LAMA2: variants seen among roughly 807,000 people sequenced by gnomAD.
The protein encoded by LAMA2 is laminin subunit alpha-2.
LAMA2 carries 269 observed loss-of-function variants against 364.8 expected under a neutral mutation model. The observed-to-expected ratio is 0.74, with a 90% confidence interval of 0.67 to 0.82. The LOEUF (loss-of-function observed/expected upper bound fraction) is 0.82. LAMA2 is among the 40% of genes least tolerant of loss of function. LAMA2 has a pLI of 0.00. For missense variants in LAMA2, 3,807 were observed against 3,873.2 expected (o/e 0.98, Z 0.45); for synonymous variants, 1,379 against 1,370.6 (o/e 1.01, Z -0.14).
chr6:128,936,487 C>T (rs1412791486), intron 1 of LAMA2, among the ~76,000 whole-genome samples: 1 of 152,140 alleles, frequency 6.6e-6, no homozygotes, highest in East Asian at 1.9e-4. Flanking sequence ...CCCCTTTATG[C>T]ATGGGGGATA....
chr6:129,193,368 G>T (rs978304008), intron 12 of LAMA2, among the ~76,000 whole-genome samples: 2 of 152,188 alleles, frequency 1.3e-5, no homozygotes, highest in Non-Finnish European at 2.9e-5. Context: ...CAACATATTT[G>T]CTGGAGCTCA....
intron 22 of LAMA2, among the ~76,000 whole-genome samples, chr6:129,301,757 TAC>T (rs930587155): frequency 1.3e-5 from 2 of 152,150 alleles, no homozygotes; most frequent in Non-Finnish European, 2.9e-5. Context: ...AACCAATGAT[TAC>T]AGTGGTGTAA....
intron 1 of LAMA2, among the ~76,000 whole-genome samples, chr6:129,028,469 A>G (rs768821156): frequency 4.6e-5 from 7 of 151,892 alleles, no homozygotes; most frequent in Non-Finnish European, 7.4e-5. Context: ...TCCATTTATC[A>G]GTTTCATAAC....
chr6:129,284,373 T>C lies in LAMA2; in HGVS notation c.2538-3474T>C, dbSNP rs146851988. ...TTGATTGGGCCTAATCTGAGTTGGT[T>C]GCCCTTTTGTGTGCTGCCATAATAG... On this transcript the variant is annotated intron_variant, in intron 18 of 64. Transcript: ENST00000421865. 4.6e-3 allele frequency among the ~76,000 whole-genome samples: 698 copies of C among 152,282 alleles called. 9 individuals are homozygous for C. The highest frequency in any genetic ancestry group is 0.016 in the African/African-American group (649 of 41,576).
intron 8 of LAMA2, among the ~76,000 whole-genome samples, chr6:129,165,357 A>G (rs778437126): frequency 1.5e-4 from 23 of 152,134 alleles, no homozygotes; most frequent in Non-Finnish European, 2.9e-4. Context: ...TAACAAATAT[A>G]TAGGAATTTA....
intron 12 of LAMA2, among the ~76,000 whole-genome samples, chr6:129,240,068 T>G (rs1354568232): frequency 1.3e-5 from 2 of 152,110 alleles, no homozygotes; most frequent in Non-Finnish European, 2.9e-5. Context: ...AAATTACTGG[T>G]GTAAGTGCAA....
At chr6:128,925,745 C>CT (rs1779047630) in intron 1 of LAMA2, among the ~76,000 whole-genome samples, 1 of 152,162 alleles carries the variant, frequency 6.6e-6, no homozygotes, top group East Asian at 1.9e-4. Flanking sequence ...AAACCAATGT[C>CT]TTTATTCTTT....
chr6:128,983,369 G>A lies in LAMA2; in HGVS notation c.113-66549G>A, dbSNP rs111947347. ...TGCATTTCTCTGATGGCCAGTGATG[G>A]TGAGCATTTTTTCATGTGTTTTTTG... On this transcript the variant is annotated intron_variant, in intron 1 of 64. Transcript: ENST00000421865. Among the ~76,000 whole-genome samples the A allele has an allele frequency of 9.1e-4, 138 of 152,158 alleles. No individual in the cohort carries two copies. The East Asian group carries it at 0.016, about 17-fold the overall frequency.
Position 129,475,442 on chromosome 6 carries a change from G to A in LAMA2, c.7451+41G>A, listed in dbSNP as rs914701037. On this transcript the variant is annotated intron_variant, in intron 53 of 64. Coordinates refer to ENST00000421865, the MANE Select transcript of LAMA2 (RefSeq NM_000426.4). ...ATGCATGCCTTCTTCGAGTGCATGGGTTGGGTAAATGTGGCTTCTTAGATA... is the reference window on the plus strand; with the variant it reads ...ATGCATGCCTTCTTCGAGTGCATGGATTGGGTAAATGTGGCTTCTTAGATA... 7.8e-6 allele frequency: 12 copies of A among 1,529,766 alleles called. No individual in the cohort carries two copies. In the African/African-American group the frequency reaches 1.7e-4, roughly 21 times the overall value. 94.8% of individuals were successfully genotyped at this position (1,529,766 alleles called of 1,614,324 possible).
At position 129,427,787 on chromosome 6, in the gene LAMA2, C is replaced by T; in HGVS notation, c.5901C>T (p.Ala1967=). ...TGPRGLLKED[A]KGCLQKSFRI... is the part of the protein sequence containing the mutation. ...CTCGGGGTTTATTAAAGGAAGATGC[C>T]AAAGGCTGTCTTCAGAAAAGCTTCA... The change falls in exon 41 of 65, where the codon GCC becomes GCT. Residue 1967 remains alanine, a synonymous_variant. Transcript: ENST00000421865. The T allele has an allele frequency of 1.2e-6, 2 of 1,613,744 alleles. No individual in the cohort carries two copies. Among genetic ancestry groups the T allele is most frequent in the Non-Finnish European group, 1.7e-6 (2 of 1,179,840 alleles).
chr6:129,400,695 T>C (rs1779919925), intron 37 of LAMA2, among the ~76,000 whole-genome samples: 1 of 152,238 alleles, frequency 6.6e-6, no homozygotes, highest in African/African-American at 2.4e-5. Context: ...AATTATAATC[T>C]ATTCTCTCAT....
chr6:129,238,790 T>G (rs1474483166), intron 12 of LAMA2, among the ~76,000 whole-genome samples: 2 of 152,172 alleles, frequency 1.3e-5, no homozygotes, highest in African/African-American at 2.4e-5. Context: ...TTCCGGAGAT[T>G]AAATGAGGAT....
intron 20 of LAMA2, chr6:129,292,969 AGCC>A (rs1262558288): frequency 5.1e-6 from 5 of 985,806 alleles, no homozygotes; most frequent in African/African-American, 1.7e-5. Context: ...CAGGAGGAGC[AGCC>A]GCGGAGAGCG....
chr6:129,177,218 A>G (rs899393213), intron 9 of LAMA2, among the ~76,000 whole-genome samples: 2 of 152,178 alleles, frequency 1.3e-5, no homozygotes, highest in African/African-American at 4.8e-5. Flanking sequence ...TTCTTTAGTA[A>G]TACTGCCAGT....
At chr6:129,230,111 C>G (rs1784589108) in intron 12 of LAMA2, among the ~76,000 whole-genome samples, 1 of 152,006 alleles carries the variant, frequency 6.6e-6, no homozygotes, top group Admixed American at 6.6e-5. Context: ...GGATTGGGCC[C>G]TATAGCACCC....
chr6:129,360,341 C>T (rs1338155474), intron 32 of LAMA2, among the ~76,000 whole-genome samples: 1 of 152,062 alleles, frequency 6.6e-6, no homozygotes, highest in Non-Finnish European at 1.5e-5. Flanking sequence ...ATGTTTGTTG[C>T]CAGACACTTT....
chr6:129,420,528 A>C (rs1209614328), intron 40 of LAMA2, among the ~76,000 whole-genome samples: 1 of 152,164 alleles, frequency 6.6e-6, no homozygotes, highest in African/African-American at 2.4e-5. Flanking sequence ...AAAATAAATT[A>C]TTTCATAAAG....
chr6:129,060,816 A>G (rs1788858804), intron 3 of LAMA2, among the ~76,000 whole-genome samples: 1 of 152,162 alleles, frequency 6.6e-6, no homozygotes, highest in South Asian at 2.1e-4. Flanking sequence ...GGCTGCATAT[A>G]TTCAAGAGCC....
Position 129,265,158 on chromosome 6 carries a change from G to C in LAMA2, c.2209-1948G>C, listed in dbSNP as rs543496570. Among the ~76,000 whole-genome samples the C allele has an allele frequency of 2.0e-5, 3 of 152,254 alleles. No individual in the cohort carries two copies. In the South Asian group the frequency reaches 6.2e-4, roughly 32 times the overall value. On this transcript the variant is annotated intron_variant, in intron 15 of 64. Transcript: ENST00000421865. ...TGACAAGTGGAGTAATATTTCTTTAGGAGGAAGGACCCCACATTCCCCACA... is the reference window on the plus strand; with the variant it reads ...TGACAAGTGGAGTAATATTTCTTTACGAGGAAGGACCCCACATTCCCCACA...
Sources: gnomAD v4.1 joint callset for allele counts (sites outside exome capture counted in the v4.1 genomes callset) on GRCh38, gnomAD v4.1.1 for gene constraint, MANE v1.5 for transcripts, NCBI Gene and HGNC (gene_info 2026-07-23, HGNC 2026-07-21) for gene names.